The following SESTD1 variants were observed in gnomAD, a reference collection of about 807,000 sequenced individuals.
SESTD1 encodes SEC14 and spectrin domain containing 1.
Under a neutral mutation model 101.7 loss-of-function variants are expected in SESTD1, and 43 were observed. That is an observed-to-expected ratio of 0.42 (90% CI 0.33 to 0.55). The LOEUF is 0.55. SESTD1 is among the 20% of genes least tolerant of loss of function. The pLI is 0.07. For missense variants in SESTD1, 647 were observed against 815.1 expected, an observed-to-expected ratio of 0.79 and a Z score of 2.51; for synonymous variants, 283 against 286.8, an observed-to-expected ratio of 0.99 and a Z score of 0.13.
At chr2:179,237,096 C>T (rs1306021150) in intron 1 of SESTD1, among the ~76,000 whole-genome samples, 1 of 144,454 alleles carries the variant, frequency 6.9e-6, no homozygotes, top group African/African-American at 2.5e-5. Flanking sequence ...CACTTGCCCT[C>T]CTTTCTAAGG....
At chr2:179,199,669 G>A (rs2046471292) in intron 1 of SESTD1, among the ~76,000 whole-genome samples, 1 of 152,170 alleles carries the variant, frequency 6.6e-6, no homozygotes, top group African/African-American at 2.4e-5. Flanking sequence ...ATCAATAAAT[G>A]TAATCCAGCA....
intron 1 of SESTD1, 96 bp downstream of exon 1, chr2:179,264,403 A>C (rs1321859209): frequency 4.1e-5 from 6 of 147,814 alleles, no homozygotes; most frequent in African/African-American, 9.9e-5. Context: ...CGGGCCCGCT[A>C]CCGCCGCCGC....
intron 16 of SESTD1, among the ~76,000 whole-genome samples, chr2:179,114,287 T>G (rs1575419420): frequency 6.6e-6 from 1 of 152,138 alleles, no homozygotes; most frequent in East Asian, 1.9e-4. Flanking sequence ...GATAGAAACT[T>G]TAATTCCTGA....
chr2:179,169,962 G>A (rs1195908668), intron 5 of SESTD1, among the ~76,000 whole-genome samples: 6 of 115,898 alleles, frequency 5.2e-5, no homozygotes, highest in East Asian at 2.4e-4. Flanking sequence ...TAACAAAAGC[G>A]AAACTCCATC....
intron 1 of SESTD1, among the ~76,000 whole-genome samples, chr2:179,215,833 A>G (rs1401145945): frequency 7.4e-6 from 1 of 135,584 alleles, no homozygotes; most frequent in African/African-American, 2.9e-5. Context: ...AGTCTGGTTC[A>G]TCATATGCAA....
chr2:179,208,202 G>T (rs1193923575), intron 1 of SESTD1, among the ~76,000 whole-genome samples: 1 of 134,664 alleles, frequency 7.4e-6, no homozygotes, highest in East Asian at 2.0e-4. Context: ...AAATGAACAA[G>T]CCTCAAAGGA....
At position 179,104,916 on chromosome 2, in the gene SESTD1, A is replaced by G. The variant is rs2044346743; in HGVS notation, c.*4983T>C. On this transcript the variant is annotated 3_prime_UTR_variant, in exon 18 of 18. Transcript: ENST00000428443. ...TGCTTTTTCTTGAAGTAGAGGGACT[A>G]GTGTTTATTCTCAAGCTTTCATGTT... The G allele has an allele frequency of 6.6e-6, 1 of 152,116 alleles. No homozygotes were observed. Among genetic ancestry groups the G allele is most frequent in the African/African-American group, 2.4e-5 (1 of 41,424 alleles). 9.4% of individuals were successfully genotyped at this position (152,116 alleles called of 1,614,324 possible).
rs142874372 is a variant in SESTD1 at position 179,252,863 on chromosome 2, T to C, written c.-26+11636A>G. Among the ~76,000 whole-genome samples, 275 of 152,332 alleles carry C rather than the reference T, an allele frequency of 1.8e-3. 1 individual carries two copies. The highest frequency in any genetic ancestry group is 3.4e-3 in the Middle Eastern group (1 of 294). ...AAAGATCCAGATGTTATTTTCATAG[T>C]GTCTCCTTTCCTCTCCTGGTTTGAT... On this transcript the variant is annotated intron_variant, in intron 1 of 17. Transcript: ENST00000428443.
chr2:179,180,164 A>G (rs2046082592), intron 3 of SESTD1, among the ~76,000 whole-genome samples: 1 of 152,184 alleles, frequency 6.6e-6, no homozygotes, highest in Non-Finnish European at 1.5e-5. Context: ...AAATGCTTCC[A>G]TTCTCAACTG....
At chr2:179,219,487 G>T (rs1305847276) in intron 1 of SESTD1, among the ~76,000 whole-genome samples, 1 of 152,174 alleles carries the variant, frequency 6.6e-6, no homozygotes, top group East Asian at 1.9e-4. Flanking sequence ...CAGGCCCTTT[G>T]GCCTTGCATT....
In SESTD1 at chr2:179,130,860, T is replaced by TA. The variant is rs935929086; in HGVS notation, c.972+1443dup. Reference sequence around the variant, plus strand: ...GGTTCAAACAAATCACAATCCATGTTAAAAAAAAAATCAAAACATTATTTT... The same window carrying TA: ...GGTTCAAACAAATCACAATCCATGTTAAAAAAAAAAATCAAAACATTATTTT... On this transcript the variant is annotated intron_variant, in intron 10 of 17. Transcript: ENST00000428443. Among the ~76,000 whole-genome samples the TA allele has an allele frequency of 3.2e-3, 472 of 149,552 alleles. 3 individuals are homozygous for TA. The highest frequency in any genetic ancestry group is 8.6e-3 in the African/African-American group (350 of 40,888).
intron 5 of SESTD1, among the ~76,000 whole-genome samples, chr2:179,171,367 T>A (rs986583284): frequency 6.6e-6 from 1 of 152,176 alleles, no homozygotes; most frequent in African/African-American, 2.4e-5. Context: ...TACACTGATA[T>A]TGACCTCGGT....
intron 1 of SESTD1, 28 bp downstream of exon 1, chr2:179,264,471 G>C (rs1307098471): frequency 6.6e-6 from 1 of 150,618 alleles, no homozygotes; most frequent in Non-Finnish European, 1.5e-5. Context: ...CGCTTCTCCC[G>C]CCCGGGCCGA....
chr2:179,256,484 G>A (rs935002275), intron 1 of SESTD1, among the ~76,000 whole-genome samples: 2 of 152,204 alleles, frequency 1.3e-5, no homozygotes, highest in Non-Finnish European at 2.9e-5. Flanking sequence ...GGAGCCTGAA[G>A]ATGTGACTGA....
chr2:179,164,577 A>C (rs1439655270), intron 5 of SESTD1, among the ~76,000 whole-genome samples: 1 of 152,206 alleles, frequency 6.6e-6, no homozygotes, highest in Non-Finnish European at 1.5e-5. Flanking sequence ...AAGTACTTGA[A>C]TATAATATCT....
chr2:179,261,142 T>C (rs537133386), intron 1 of SESTD1, among the ~76,000 whole-genome samples: 17 of 152,336 alleles, frequency 1.1e-4, no homozygotes, highest in Non-Finnish European at 1.9e-4. Flanking sequence ...TGTTTCCCCA[T>C]TGGAAATGTG....
chr2:179,124,520 A>C lies in SESTD1; in HGVS notation c.1011T>G (p.Ile337Met). The change falls in exon 11 of 18, where the codon ATT (isoleucine) becomes ATG (methionine). Residue 337 changes from isoleucine to methionine, a missense_variant. By Grantham distance (10) the Ile-to-Met change is conservative. Around this residue, in one of 3 missense-constraint regions of SESTD1, gnomAD observed 476 missense variants for 562.6 expected, o/e 0.85. Coordinates refer to ENST00000428443, the MANE Select transcript of SESTD1 (RefSeq NM_178123.5). ...CATCGCCAGCATTCAAGAGTGCTGCAATTTGCTGATTAAGTTCCACATACA... is the reference window on the plus strand; with the variant it reads ...CATCGCCAGCATTCAAGAGTGCTGCCATTTGCTGATTAAGTTCCACATACA... ...FAVYVELNQQ[I>M]AALLNAGDEE... 1.9e-6 allele frequency: 3 copies of C among 1,614,070 alleles called. No homozygotes were observed. Among genetic ancestry groups the C allele is most frequent in the Non-Finnish European group, 2.5e-6 (3 of 1,179,972 alleles).
At chr2:179,263,240 C>A (rs1438247807) in intron 1 of SESTD1, among the ~76,000 whole-genome samples, 8 of 152,218 alleles carry the variant, frequency 5.3e-5, no homozygotes, top group African/African-American at 1.7e-4. Flanking sequence ...AGAACAAAGA[C>A]GTATTTTACT....
chr2:179,193,186 G>A (rs955471096), intron 1 of SESTD1, among the ~76,000 whole-genome samples: 1 of 152,178 alleles, frequency 6.6e-6, no homozygotes, highest in African/African-American at 2.4e-5. Flanking sequence ...ACATTGGTCA[G>A]ATAATGGCTA....
Sources: gnomAD v4.1 joint callset for allele counts (sites outside exome capture counted in the v4.1 genomes callset) on GRCh38, gnomAD v4.1.1 for gene constraint, gnomAD v4.1.1 regional missense constraint, MANE v1.5 for transcripts, NCBI Gene and HGNC (gene_info 2026-07-23, HGNC 2026-07-21) for gene names.